ATP10D: variants seen among roughly 807,000 people sequenced by gnomAD.
ATP10D encodes the protein phospholipid-transporting ATPase VD.
A neutral mutation model predicts 144.8 loss-of-function variants in ATP10D; 89 were observed. That is an observed-to-expected ratio of 0.61 (90% CI 0.52 to 0.73). ATP10D has a LOEUF of 0.73. ATP10D is among the 30% of genes least tolerant of loss of function. ATP10D has a pLI of 0.00. For synonymous variants in ATP10D, 571 were observed against 615.1 expected, an observed-to-expected ratio of 0.93 and a Z score of 1.06; for missense variants, 1,603 against 1,714.8, an observed-to-expected ratio of 0.93 and a Z score of 1.15.
At chr4:47,504,156 T>C (rs1284675691) in intron 1 of ATP10D, among the ~76,000 whole-genome samples, 1 of 152,212 alleles carries the variant, frequency 6.6e-6, no homozygotes, top group Non-Finnish European at 1.5e-5. Flanking sequence ...AACTTCATTA[T>C]TCAAGATCCA....
intron 14 of ATP10D, among the ~76,000 whole-genome samples, 155 bp downstream of exon 14, chr4:47,561,230 C>A (rs1719280096): frequency 6.6e-6 from 1 of 152,204 alleles, no homozygotes; most frequent in Non-Finnish European, 1.5e-5. Context: ...CCAATCCATT[C>A]TATTCTGTTG....
intron 22 of ATP10D, among the ~76,000 whole-genome samples, chr4:47,590,495 G>A (rs1370280292): frequency 6.6e-6 from 1 of 152,158 alleles, no homozygotes; most frequent in Non-Finnish European, 1.5e-5. Flanking sequence ...GAAAAGAAAT[G>A]AGGTTATACA....
chr4:47,560,724 TGC>T (rs2109450944), intron 13 of ATP10D, among the ~76,000 whole-genome samples: 1 of 152,302 alleles, frequency 6.6e-6, no homozygotes, highest in East Asian at 1.9e-4. Context: ...TTTCCAGAGA[TGC>T]TGAGTTAAAG....
chr4:47,525,732 C>T (rs954858929), intron 5 of ATP10D, 90 bp downstream of exon 5: 2 of 1,108,672 alleles, frequency 1.8e-6, no homozygotes, highest in Non-Finnish European at 1.3e-6. Flanking sequence ...TGTGCTTATA[C>T]CCTTGTTAAA....
At chr4:47,585,093 A>G (rs1720721588) in intron 21 of ATP10D, among the ~76,000 whole-genome samples, 1 of 152,202 alleles carries the variant, frequency 6.6e-6, no homozygotes. Context: ...CATAATGTGA[A>G]GGTAATTCTG....
At chr4:47,560,634 A>G (rs545388358) in intron 13 of ATP10D, among the ~76,000 whole-genome samples, 20 of 152,374 alleles carry the variant, frequency 1.3e-4, no homozygotes, top group African/African-American at 4.6e-4. Flanking sequence ...TTAACTGTCA[A>G]TTGGAGACCA....
chr4:47,507,263 T>TAA (rs1716065345), intron 1 of ATP10D, among the ~76,000 whole-genome samples: 1 of 152,186 alleles, frequency 6.6e-6, no homozygotes, highest in Non-Finnish European at 1.5e-5. Flanking sequence ...AAACAAGTGC[T>TAA]AAGTGCTTTT....
intron 1 of ATP10D, among the ~76,000 whole-genome samples, chr4:47,495,939 G>A (rs1715340688): frequency 6.6e-6 from 1 of 151,828 alleles, no homozygotes; most frequent in South Asian, 2.1e-4. Context: ...GTTTCTCCAT[G>A]TTGGTCAGGC....
chr4:47,535,576 A>T lies in ATP10D; in HGVS notation c.844A>T (p.Arg282Ter), dbSNP rs1461129473. ...TTTGTTGCTTAGAGGATGCACCATTAGAAACACAGAGGCTGTTGTGGGCAT... is the reference window on the plus strand; with the variant it reads ...TTTGTTGCTTAGAGGATGCACCATTTGAAACACAGAGGCTGTTGTGGGCAT... ...ENLLLRGCTIRNTEAVVGIVV... is the reference protein window; with the variant it reads ...ENLLLRGCTI Residue 282 changes from arginine to a stop codon, truncating the protein, a stop_gained, in exon 6 of 23, where the codon AGA (arginine) becomes TGA (stop). Coordinates refer to ENST00000273859, the MANE Select transcript of ATP10D (RefSeq NM_020453.4). LOFTEE classifies it high-confidence loss of function. 6.2e-7 allele frequency: 1 copy of T among 1,613,140 alleles called. No homozygotes were observed. The highest frequency in any genetic ancestry group is 8.5e-7 in the Non-Finnish European group (1 of 1,179,522).
rs757755957 is a variant in ATP10D, at chr4:47,591,291, CTT to C, written c.4192_4193del (p.Leu1398IlefsTer4). ...ASSCAIEQGN[L>X]SLCETALDQG... ...GTTCCTGTGCTATTGAGCAAGGAAA[CTT>C]ATCTCTGTGTGAAACTGCTTTAGAT... On this transcript the variant is annotated frameshift_variant, in exon 23 of 23. Transcript: ENST00000273859. LOFTEE classifies it low-confidence loss of function (END_TRUNC). 24 of 1,613,386 alleles carry C rather than the reference CTT, an allele frequency of 1.5e-5. No individual in the cohort carries two copies. The highest frequency in any genetic ancestry group is 1.6e-4 in the Middle Eastern group (1 of 6,082).
At chr4:47,560,897 C>A in intron 13 of ATP10D, 52 bp from the exon 14 acceptor site, 1 of 1,608,436 alleles carries the variant, frequency 6.2e-7, no homozygotes, top group South Asian at 1.1e-5. Context: ...TCCTGGTATT[C>A]CCACAAGATC....
chr4:47,579,366 T>C (rs1720395214), intron 19 of ATP10D, among the ~76,000 whole-genome samples: 1 of 152,244 alleles, frequency 6.6e-6, no homozygotes, highest in African/African-American at 2.4e-5. Flanking sequence ...CATTCTATTC[T>C]ATGAGCTTGC....
chr4:47,555,096 C>G (rs933283094), intron 11 of ATP10D, among the ~76,000 whole-genome samples, 182 bp downstream of exon 11: 2 of 152,212 alleles, frequency 1.3e-5, no homozygotes, highest in African/African-American at 2.4e-5. Flanking sequence ...GTCCCCAACC[C>G]CCTTGGTTGC....
intron 1 of ATP10D, among the ~76,000 whole-genome samples, chr4:47,502,168 T>C (rs146043116): frequency 9.2e-5 from 14 of 152,300 alleles, no homozygotes; most frequent in African/African-American, 1.4e-4. Context: ...TAATTGGACA[T>C]GTGATCCCTT....
At chr4:47,528,317 A>T (rs1441465537) in intron 5 of ATP10D, among the ~76,000 whole-genome samples, 1 of 151,868 alleles carries the variant, frequency 6.6e-6, no homozygotes, top group Non-Finnish European at 1.5e-5. Flanking sequence ...CCCATTCTTT[A>T]GCTCTCACTT....
intron 5 of ATP10D, among the ~76,000 whole-genome samples, chr4:47,531,188 T>C (rs1331821526): frequency 6.6e-6 from 1 of 152,194 alleles, no homozygotes; most frequent in African/African-American, 2.4e-5. Flanking sequence ...TCATTTCTTG[T>C]TATTGGTCTG....
chr4:47,537,051 G>A, intron 9 of ATP10D, 113 bp downstream of exon 9: 1 of 1,252,922 alleles, frequency 8.0e-7, no homozygotes, highest in Non-Finnish European at 1.1e-6. Context: ...TAATCATTGA[G>A]TACTTAATGC....
intron 15 of ATP10D, 48 bp downstream of exon 15, chr4:47,563,813 T>C (rs1261291099): frequency 6.9e-7 from 1 of 1,441,154 alleles, no homozygotes. Context: ...TCAAAGGCAT[T>C]GGAACATTTG....
At chr4:47,523,320 C>T (rs913196229) in intron 4 of ATP10D, 104 bp downstream of exon 4, 9 of 951,416 alleles carry the variant, frequency 9.5e-6, no homozygotes, top group Non-Finnish European at 8.1e-6. Context: ...TTCATTTTCA[C>T]CAGGATGAAA....
Sources: allele counts gnomAD v4.1 joint callset (sites outside exome capture counted in the v4.1 genomes callset), GRCh38; gene constraint gnomAD v4.1.1; transcripts MANE v1.5; gene names NCBI Gene and HGNC (gene_info 2026-07-23, HGNC 2026-07-21).